The following ZNF420 variants were observed in gnomAD, a reference collection of about 807,000 sequenced individuals.
ZNF420 encodes ATM and p53-associated KZNF protein.
A neutral mutation model predicts 44.7 loss-of-function variants in ZNF420; 31 were observed. That is an observed-to-expected ratio of 0.69 (90% CI 0.52 to 0.94). The LOEUF (loss-of-function observed/expected upper bound fraction) is 0.94. Ranked by LOEUF, ZNF420 falls within the 40% of genes least tolerant of loss-of-function variation. ZNF420 has a pLI of 0.00. For synonymous variants in ZNF420, 245 were observed against 267.4 expected, an observed-to-expected ratio of 0.92 and a Z score of 0.82; for missense variants, 681 against 827.9, an observed-to-expected ratio of 0.82 and a Z score of 2.18.
chr19:37,109,176 G>A (rs189262170), intron 4 of ZNF420, among the ~76,000 whole-genome samples: 4 of 152,266 alleles, frequency 2.6e-5, no homozygotes, highest in East Asian at 1.9e-4. Context: ...GGAGGATAAC[G>A]ATACCCAGTA....
chr19:37,108,751 G>T (rs1298571164), intron 4 of ZNF420, among the ~76,000 whole-genome samples: 1 of 151,594 alleles, frequency 6.6e-6, no homozygotes, highest in Non-Finnish European at 1.5e-5. Flanking sequence ...GCTTATGTTT[G>T]TCTAAACTTT....
chr19:37,113,044 G>A (rs1357791584), intron 4 of ZNF420, among the ~76,000 whole-genome samples: 1 of 152,138 alleles, frequency 6.6e-6, no homozygotes. Flanking sequence ...AGTGGGGGTT[G>A]TTGTCCCTGA....
chr19:37,077,853 TAC>T (rs1968198671), upstream of ZNF420, among the ~76,000 whole-genome samples: 2 of 152,188 alleles, frequency 1.3e-5, no homozygotes, highest in Admixed American at 1.3e-4. Flanking sequence ...TAGACGATTC[TAC>T]ACAGTTATAA....
At chr19:37,068,365 C>T (rs565526449) in intron 1 of ZNF420, among the ~76,000 whole-genome samples, 5 of 152,212 alleles carry the variant, frequency 3.3e-5, no homozygotes, top group Admixed American at 6.5e-5. Flanking sequence ...AATGGCCGGG[C>T]GCGGTGGCTC....
intron 1 of ZNF420, among the ~76,000 whole-genome samples, chr19:37,072,513 A>T (rs1968074062): frequency 6.6e-6 from 1 of 152,210 alleles, no homozygotes; most frequent in Non-Finnish European, 1.5e-5. Context: ...AGATTCTTCT[A>T]GTTTCCAATA....
chr19:37,013,198 C>T (rs995566758), intron 1 of ZNF420, among the ~76,000 whole-genome samples: 37 of 152,084 alleles, frequency 2.4e-4, no homozygotes, highest in African/African-American at 7.5e-4. Flanking sequence ...CCATGTAGAC[C>T]TGGCTAATGC....
intron 1 of ZNF420, among the ~76,000 whole-genome samples, chr19:37,065,769 T>C (rs1006823452): frequency 3.3e-5 from 5 of 152,236 alleles, no homozygotes; most frequent in African/African-American, 1.2e-4. Context: ...TTTGTGGTAA[T>C]TTGATACAAG....
At chr19:37,019,550 G>A (rs2562588) in intron 1 of ZNF420, among the ~76,000 whole-genome samples, 3,677 of 152,034 alleles carry the variant, frequency 0.024, 161 homozygotes, top group African/African-American at 0.083. Context: ...TGAGATGGGC[G>A]GATCACTTGA....
chr19:37,056,981 C>T (rs1383704215), intron 1 of ZNF420, among the ~76,000 whole-genome samples: 1 of 152,276 alleles, frequency 6.6e-6, no homozygotes, highest in African/African-American at 2.4e-5. Flanking sequence ...CAGCGGAGCG[C>T]GAGTCGGCCT....
chr19:37,108,347 C>A (rs184446438), intron 4 of ZNF420: 20 of 152,300 alleles, frequency 1.3e-4, no homozygotes, highest in Admixed American at 7.8e-4. Context: ...ACACAGGGAT[C>A]CACACGCCTT....
intron 4 of ZNF420, among the ~76,000 whole-genome samples, chr19:37,102,573 T>G (rs1232038347): frequency 6.6e-6 from 1 of 152,312 alleles, no homozygotes; most frequent in South Asian, 2.1e-4. Flanking sequence ...ATTTTCAAGC[T>G]TTGAACATGG....
chr19:37,127,125 C>T lies in ZNF420; in HGVS notation c.137-3C>T, dbSNP rs199877079. The T allele has an allele frequency of 1.4e-5, 20 of 1,455,272 alleles. No homozygotes were observed. Among genetic ancestry groups the T allele is most frequent in the Non-Finnish European group, 1.8e-5 (20 of 1,101,428 alleles). 90.1% of individuals were successfully genotyped at this position (1,455,272 alleles called of 1,614,324 possible). On this transcript the variant is annotated splice_polypyrimidine_tract_variant and splice_region_variant and intron_variant, in intron 4 of 4. Coordinates refer to ENST00000337995, the MANE Select transcript of ZNF420 (RefSeq NM_144689.5). ...AATTTTTTTATTCTCTCTTATCTTTCAGACTTGCCTTCAAGGTGTGCAAGT... is the reference window on the plus strand; with the variant it reads ...AATTTTTTTATTCTCTCTTATCTTTTAGACTTGCCTTCAAGGTGTGCAAGT...
Position 37,127,425 on chromosome 19 carries a change from G to T in ZNF420, c.434G>T (p.Gly145Val), listed in dbSNP as rs771361767. Residue 145 changes from glycine (G) to valine (V), a missense_variant, in exon 5 of 5, where the codon GGG becomes GTG. Gly to Val is a moderately radical substitution (Grantham distance 109). Around this residue, in one of 3 missense-constraint regions of ZNF420, gnomAD observed 350 missense variants for 382.5 expected, o/e 0.92. Transcript: ENST00000337995. ...TEKPYKCKEC[G>V]KAFRRASHLT... ...AAACCCTATAAATGTAAGGAATGTG[G>T]GAAAGCCTTCAGACGAGCCTCACAC... 1.2e-6 allele frequency: 2 copies of T among 1,614,048 alleles called. No homozygotes were observed. Among genetic ancestry groups the T allele is most frequent in the Admixed American group, 3.3e-5 (2 of 60,006 alleles).
chr19:37,120,594 A>G (rs1325293503), intron 4 of ZNF420, among the ~76,000 whole-genome samples: 2 of 152,208 alleles, frequency 1.3e-5, no homozygotes, highest in Non-Finnish European at 2.9e-5. Flanking sequence ...CACCACTCCT[A>G]TTCAACATAG....
At chr19:37,017,371 T>C (rs1185210201) in intron 1 of ZNF420, among the ~76,000 whole-genome samples, 1 of 152,198 alleles carries the variant, frequency 6.6e-6, no homozygotes, top group Non-Finnish European at 1.5e-5. Flanking sequence ...ACAAGTGGTA[T>C]GAGAAGTACT....
intron 1 of ZNF420, among the ~76,000 whole-genome samples, chr19:37,010,854 T>A: frequency 6.6e-6 from 1 of 152,124 alleles, no homozygotes. Flanking sequence ...GACAAAAGCC[T>A]CACAGGAGCT....
intron 1 of ZNF420, among the ~76,000 whole-genome samples, chr19:37,034,155 T>A (rs1026341404): frequency 2.6e-5 from 4 of 152,140 alleles, no homozygotes; most frequent in African/African-American, 9.7e-5. Context: ...GGGTTCTGAT[T>A]TGGCTACATC....
chr19:37,089,074 A>G lies in ZNF420; in HGVS notation c.-45A>G. 1.2e-6 allele frequency: 2 copies of G among 1,602,780 alleles called. No individual in the cohort carries two copies. Among genetic ancestry groups the G allele is most frequent in the East Asian group, 2.2e-5 (1 of 44,812 alleles). On this transcript the variant is annotated 5_prime_UTR_variant, in exon 3 of 5. The change creates a new upstream start codon in the 5' untranslated region. Transcript: ENST00000337995. The stretch of plus-strand genomic sequence containing the variant: ...TCCAGACTCTGTGCTTTCCTAAGAT[A>G]GGAACCCAGAAGAGGACTGATCATT...
At chr19:37,039,515 T>G (rs1967415430) in intron 1 of ZNF420, among the ~76,000 whole-genome samples, 1 of 152,092 alleles carries the variant, frequency 6.6e-6, no homozygotes, top group African/African-American at 2.4e-5. Flanking sequence ...GTCTCAACAG[T>G]GGGATTAAAA....
Sources: allele counts gnomAD v4.1 joint callset (sites outside exome capture counted in the v4.1 genomes callset), GRCh38; gene constraint gnomAD v4.1.1; regional missense constraint gnomAD v4.1.1; transcripts MANE v1.5; gene names NCBI Gene and HGNC (gene_info 2026-07-23, HGNC 2026-07-21).